TMEM68: variants seen among roughly 807,000 people sequenced by gnomAD.
TMEM68 encodes transmembrane protein 68.
In TMEM68, 25 loss-of-function variants were observed where a neutral mutation model predicts 36.9. That is an observed-to-expected ratio of 0.68 (90% CI 0.49 to 0.95). The LOEUF (loss-of-function observed/expected upper bound fraction) is 0.95, where lower values mean the gene tolerates loss of function less well. Among genes scored for constraint, TMEM68 ranks in the 40% least tolerant of loss-of-function variants. TMEM68 has a pLI of 0.00. For synonymous variants in TMEM68, 131 were observed against 124.4 expected, an observed-to-expected ratio of 1.05 and a Z score of -0.35; for missense variants, 333 against 392.0, an observed-to-expected ratio of 0.85 and a Z score of 1.27.
intron 4 of TMEM68, among the ~76,000 whole-genome samples, chr8:55,754,537 A>T (rs1208173663): frequency 2.9e-5 from 4 of 138,376 alleles, no homozygotes; most frequent in Non-Finnish European, 4.6e-5. Context: ...ACATATACTT[A>T]TATTATATAT....
intron 1 of TMEM68, chr8:55,773,006 G>C (rs1811236546): frequency 6.6e-6 from 1 of 152,528 alleles, no homozygotes. Flanking sequence ...GGAGAAGAGG[G>C]GCGGGGAGAG....
In TMEM68 at chr8:55,739,622, A is replaced by G. The variant is rs1238606323; in HGVS notation, c.*510T>C. Reference sequence around the variant, plus strand: ...TAAATATAAATAACAAAATAATATCATTCATCATACGATCATGTTTTTAAA... The same window carrying G: ...TAAATATAAATAACAAAATAATATCGTTCATCATACGATCATGTTTTTAAA... On this transcript the variant is annotated 3_prime_UTR_variant, in exon 8 of 8. Coordinates refer to ENST00000434581, the MANE Select transcript of TMEM68 (RefSeq NM_001286657.2). 1 of 152,638 alleles carries G rather than the reference A, an allele frequency of 6.6e-6. No homozygotes were observed. The highest frequency in any genetic ancestry group is 1.5e-5 in the Non-Finnish European group (1 of 68,074). 9.5% of individuals were successfully genotyped at this position (152,638 alleles called of 1,614,324 possible).
intron 6 of TMEM68, among the ~76,000 whole-genome samples, chr8:55,743,856 ACT>A: frequency 6.6e-6 from 1 of 152,174 alleles, no homozygotes; most frequent in Non-Finnish European, 1.5e-5. Flanking sequence ...ATTTATGAGA[ACT>A]CTCTGTACTT....
rs200695488 is a variant in TMEM68 at position 55,755,461 on chromosome 8, G to A, written c.493+783C>T. On this transcript the variant is annotated intron_variant, in intron 4 of 7. Transcript: ENST00000434581. ...TACTTTTTGTATTTTTAGTAGAGAC[G>A]GGGTTTCACCATGTTGGCCAGGCTG... Among the ~76,000 whole-genome samples, 4 of 151,820 alleles carry A rather than the reference G, an allele frequency of 2.6e-5. No homozygotes were observed. In the East Asian group the frequency reaches 5.8e-4, roughly 22 times the overall value.
At chr8:55,754,293 C>T (rs1229194299) in intron 4 of TMEM68, among the ~76,000 whole-genome samples, 7 of 150,968 alleles carry the variant, frequency 4.6e-5, no homozygotes, top group East Asian at 1.9e-4. Context: ...GGTGTGGTGG[C>T]GGGCATCTGC....
Position 55,755,978 on chromosome 8 carries a change from C to T in TMEM68, c.493+266G>A, listed in dbSNP as rs560179556. Among the ~76,000 whole-genome samples the T allele has an allele frequency of 4.0e-5, 6 of 151,528 alleles. No individual in the cohort carries two copies. In the South Asian group the frequency reaches 1.2e-3, roughly 31 times the overall value. On this transcript the variant is annotated intron_variant, in intron 4 of 7. Transcript: ENST00000434581. ...AACATTATATTGTATGCCATAAATA[C>T]AATTTTCACTTAAAAATAAACAATT...
intron 1 of TMEM68, among the ~76,000 whole-genome samples, chr8:55,771,505 T>C (rs528531364): frequency 5.9e-5 from 9 of 152,034 alleles, no homozygotes; most frequent in Admixed American, 2.6e-4. Flanking sequence ...TAGCCCCAGC[T>C]ACTCGGGGGG....
At chr8:55,751,348 A>G (rs1810422971) in intron 4 of TMEM68, 191 bp from the exon 5 acceptor site, 1 of 545,970 alleles carries the variant, frequency 1.8e-6, no homozygotes, top group African/African-American at 1.9e-5. Flanking sequence ...CAAATTCTTA[A>G]GTAAAACTCA....
chr8:55,745,111 G>C lies in TMEM68; in HGVS notation c.698C>G (p.Pro233Arg). ...VAIDAKVPII[P>R]MFTQNIREGF... ...TTCTCGAATATTTTGTGTAAACATA[G>C]GAATAATGGGCTAAAGAAAAGGAGA... is the stretch of plus-strand genomic sequence containing the variant. The change falls in exon 6 of 8, where the codon CCT becomes CGT. Residue 233 changes from proline to arginine, a missense_variant. Pro to Arg is a moderately radical substitution (Grantham distance 103). Transcript: ENST00000434581. 2 of 1,490,488 alleles carry C rather than the reference G, an allele frequency of 1.3e-6. No homozygotes were observed. Among genetic ancestry groups the C allele is most frequent in the Non-Finnish European group, 1.8e-6 (2 of 1,121,608 alleles). 92.3% of individuals were successfully genotyped at this position (1,490,488 alleles called of 1,614,324 possible). A position where few individuals can be genotyped will look rare whatever the true frequency, so the allele number is the denominator to read the frequency against.
intron 4 of TMEM68, 53 bp downstream of exon 4, chr8:55,756,191 C>T: frequency 6.6e-7 from 1 of 1,516,360 alleles, no homozygotes; most frequent in Non-Finnish European, 8.9e-7. Flanking sequence ...GACCACATAA[C>T]TTGGTTTTGT....
chr8:55,754,492 C>T (rs912388213), intron 4 of TMEM68, among the ~76,000 whole-genome samples: 5 of 122,588 alleles, frequency 4.1e-5, no homozygotes, highest in Non-Finnish European at 8.5e-5. Context: ...CACACACACA[C>T]ATACATACAC....
At chr8:55,758,506 A>C (rs912936728) in intron 3 of TMEM68, among the ~76,000 whole-genome samples, 1 of 152,258 alleles carries the variant, frequency 6.6e-6, no homozygotes, top group Non-Finnish European at 1.5e-5. Context: ...AAACTATAAA[A>C]TAACTATGAT....
chr8:55,741,491 A>G (rs1361720040), intron 7 of TMEM68, among the ~76,000 whole-genome samples: 1 of 152,230 alleles, frequency 6.6e-6, no homozygotes, highest in African/African-American at 2.4e-5. Context: ...CAAGGAGCTC[A>G]TAACTTAAAA....
intron 7 of TMEM68, among the ~76,000 whole-genome samples, chr8:55,740,508 AGTT>A (rs1422336825): frequency 6.6e-6 from 1 of 151,728 alleles, no homozygotes; most frequent in Non-Finnish European, 1.5e-5. Flanking sequence ...CTTCAATTAT[AGTT>A]GTTGTCCACG....
intron 1 of TMEM68, among the ~76,000 whole-genome samples, chr8:55,771,912 C>CT (rs891532861): frequency 6.6e-6 from 1 of 152,154 alleles, no homozygotes; most frequent in African/African-American, 2.4e-5. Context: ...AGCTTTAATA[C>CT]TTTTTTTATT....
At chr8:55,742,089 C>T (rs1810120173) in intron 7 of TMEM68, among the ~76,000 whole-genome samples, 2 of 152,072 alleles carry the variant, frequency 1.3e-5, no homozygotes, top group African/African-American at 2.4e-5. Flanking sequence ...AATCCTATCA[C>T]GTGATACAAC....
chr8:55,764,515 A>G (rs535014804), intron 1 of TMEM68, among the ~76,000 whole-genome samples: 28 of 152,370 alleles, frequency 1.8e-4, no homozygotes, highest in Admixed American at 1.4e-3. Flanking sequence ...AAATGAAAGC[A>G]AAGGATGAAA....
intron 3 of TMEM68, 143 bp from the exon 4 acceptor site, chr8:55,756,554 TTCCTC>T (rs1419564879): frequency 1.4e-6 from 1 of 706,288 alleles, no homozygotes; most frequent in Non-Finnish European, 2.2e-6. Context: ...TTCCCTCTCT[TTCCTC>T]TTCTCTTTCT....
chr8:55,754,706 T>TTATATATATATTATATATAAAATACATA (rs1563432208), intron 4 of TMEM68, among the ~76,000 whole-genome samples: 1 of 126,182 alleles, frequency 7.9e-6, no homozygotes, highest in Non-Finnish European at 1.6e-5. Flanking sequence ...AAATACATAC[T>TTATATATATATTATATATAAAATACATA]TATATATATA....
Sources: allele counts gnomAD v4.1 joint callset (sites outside exome capture counted in the v4.1 genomes callset), GRCh38; gene constraint gnomAD v4.1.1; transcripts MANE v1.5; gene names NCBI Gene and HGNC (gene_info 2026-07-23, HGNC 2026-07-21).